KSR2: variants seen among roughly 807,000 people sequenced by gnomAD.
KSR2 encodes the protein kinase suppressor of ras 2.
A neutral mutation model predicts 107.8 loss-of-function variants in KSR2; 25 were observed. The observed-to-expected ratio is 0.23, with a 90% CI of 0.17 to 0.32. The LOEUF (loss-of-function observed/expected upper bound fraction) is 0.32, where lower values mean the gene tolerates loss of function less well. Among genes scored for constraint, KSR2 ranks in the 10% least tolerant of loss-of-function variants. The pLI is 1.00. For missense variants in KSR2, 887 were observed against 1,268.9 expected, an observed-to-expected ratio of 0.70 and a Z score of 4.57; for synonymous variants, 480 against 507.0, an observed-to-expected ratio of 0.95 and a Z score of 0.71.
intron 13 of KSR2, among the ~76,000 whole-genome samples, chr12:117,526,231 A>G (rs1875152655): frequency 1.3e-5 from 2 of 152,118 alleles, no homozygotes; most frequent in Admixed American, 1.3e-4. Flanking sequence ...CGTAACTACC[A>G]CTAGAGTTAA....
intron 1 of KSR2, among the ~76,000 whole-genome samples, chr12:117,952,155 T>TCACACACA (rs112314585): frequency 2.0e-3 from 293 of 147,416 alleles, no homozygotes; most frequent in African/African-American, 5.5e-3. Context: ...AATGTTCTCA[T>TCACACACA]CACACACACA....
At chr12:117,578,906 G>A (rs1879462470) in intron 7 of KSR2, among the ~76,000 whole-genome samples, 1 of 152,164 alleles carries the variant, frequency 6.6e-6, no homozygotes, top group African/African-American at 2.4e-5. Flanking sequence ...GCATTTCCAG[G>A]ATCTTCCATT....
At chr12:117,955,016 CAA>C (rs377637674) in intron 1 of KSR2, among the ~76,000 whole-genome samples, 125 of 122,292 alleles carry the variant, frequency 1.0e-3, no homozygotes, top group Non-Finnish European at 1.0e-3. Context: ...GACCCTGTCT[CAA>C]AAAAAAAAAA....
intron 4 of KSR2, among the ~76,000 whole-genome samples, chr12:117,724,312 CA>C (rs57095721): frequency 0.54 from 59,842 of 111,716 alleles, 13,468 homozygotes; most frequent in African/African-American, 0.61. Flanking sequence ...CACCCTGTCT[CA>C]AAAAAAAAAA....
At chr12:117,934,228 T>G (rs994691777) in intron 1 of KSR2, among the ~76,000 whole-genome samples, 1 of 152,166 alleles carries the variant, frequency 6.6e-6, no homozygotes, top group Non-Finnish European at 1.5e-5. Flanking sequence ...ACATCCCTGC[T>G]TGGTCCACAG....
At chr12:117,581,775 C>A (rs1206590298) in intron 6 of KSR2, among the ~76,000 whole-genome samples, 1 of 152,172 alleles carries the variant, frequency 6.6e-6, no homozygotes, top group Admixed American at 6.5e-5. Context: ...GGACTGAACG[C>A]CGCACCAGAG....
At chr12:117,909,950 T>TG (rs2137424396) in intron 1 of KSR2, among the ~76,000 whole-genome samples, 1 of 150,972 alleles carries the variant, frequency 6.6e-6, no homozygotes, top group South Asian at 2.1e-4. Flanking sequence ...AAGGGCATGG[T>TG]GGCATGGTGG....
chr12:117,911,748 T>A (rs531603065), intron 1 of KSR2, among the ~76,000 whole-genome samples: 1 of 152,338 alleles, frequency 6.6e-6, no homozygotes, highest in South Asian at 2.1e-4. Flanking sequence ...ACTTGCTGAA[T>A]AAATGACAGT....
intron 4 of KSR2, among the ~76,000 whole-genome samples, chr12:117,755,234 G>A (rs933801123): frequency 6.6e-6 from 1 of 152,168 alleles, no homozygotes; most frequent in South Asian, 2.1e-4. Flanking sequence ...AGGACACACA[G>A]GCATATCTTG....
intron 16 of KSR2, among the ~76,000 whole-genome samples, chr12:117,481,781 C>A (rs1255643779): frequency 6.6e-6 from 1 of 152,212 alleles, no homozygotes; most frequent in Admixed American, 6.5e-5. Context: ...TCTCTCTCCA[C>A]TCCTATAATC....
chr12:117,856,530 G>A (rs965234823), intron 2 of KSR2, among the ~76,000 whole-genome samples: 2 of 152,116 alleles, frequency 1.3e-5, no homozygotes, highest in African/African-American at 2.4e-5. Context: ...AGGCTGGAGT[G>A]CAATGGCGCG....
At chr12:117,633,952 C>A (rs1882930541) in intron 5 of KSR2, among the ~76,000 whole-genome samples, 1 of 152,174 alleles carries the variant, frequency 6.6e-6, no homozygotes, top group Admixed American at 6.5e-5. Flanking sequence ...ATGGACCAGG[C>A]AGCCCTGCCT....
chr12:117,732,743 C>T (rs538440348), intron 4 of KSR2, among the ~76,000 whole-genome samples: 1 of 152,224 alleles, frequency 6.6e-6, no homozygotes, highest in East Asian at 1.9e-4. Context: ...TTAATAAATG[C>T]CTCTAGCCTA....
At chr12:117,673,194 G>A (rs1703670878) in intron 4 of KSR2, among the ~76,000 whole-genome samples, 1 of 152,104 alleles carries the variant, frequency 6.6e-6, no homozygotes, top group African/African-American at 2.4e-5. Context: ...TCTAAATAAG[G>A]GTTAGTTGGA....
intron 5 of KSR2, among the ~76,000 whole-genome samples, chr12:117,641,259 G>A (rs1235679910): frequency 6.6e-6 from 1 of 152,146 alleles, no homozygotes; most frequent in Non-Finnish European, 1.5e-5. Flanking sequence ...ACCACGCCCA[G>A]CTAATTTTTG....
intron 4 of KSR2, among the ~76,000 whole-genome samples, chr12:117,685,307 C>T (rs1220919639): frequency 6.6e-6 from 1 of 152,212 alleles, no homozygotes; most frequent in Non-Finnish European, 1.5e-5. Context: ...AATATTTACA[C>T]AGGCCATCAT....
Position 117,806,665 on chromosome 12 carries a change from C to T in KSR2, c.473-45141G>A, listed in dbSNP as rs373328953. 1.2e-4 allele frequency among the ~76,000 whole-genome samples: 19 copies of T among 152,258 alleles called. No individual in the cohort carries two copies. The East Asian group carries it at 2.5e-3, about 20-fold the overall frequency. On this transcript the variant is annotated intron_variant, in intron 3 of 19. Coordinates refer to ENST00000339824, the MANE Select transcript of KSR2 (RefSeq NM_173598.6). ...CAGACCCACTAATAACAGTCACTCC[C>T]CATGTCCCCTCCTCTCAGCCCCTGG...
At chr12:117,645,257 CT>C (rs2136417623) in intron 5 of KSR2, among the ~76,000 whole-genome samples, 1 of 152,294 alleles carries the variant, frequency 6.6e-6, no homozygotes, top group South Asian at 2.1e-4. Context: ...CACTGAGCTC[CT>C]GGATCCAGCC....
rs1371157898 is a variant in KSR2, at chr12:117,606,162, A to T, written c.1172-23803T>A. 2.0e-5 allele frequency among the ~76,000 whole-genome samples: 3 copies of T among 152,128 alleles called. No individual in the cohort carries two copies. The East Asian group carries it at 5.8e-4, about 29-fold the overall frequency. On this transcript the variant is annotated intron_variant, in intron 5 of 19. Transcript: ENST00000339824. ...GGATAGGTGAAAGTTCAACAGTTAA[A>T]AAGTTTAAATACAGCATTAAGGCCC... is the stretch of plus-strand genomic sequence containing the variant.
Sources: gnomAD v4.1 joint callset for allele counts (sites outside exome capture counted in the v4.1 genomes callset) on GRCh38, gnomAD v4.1.1 for gene constraint, MANE v1.5 for transcripts, NCBI Gene and HGNC (gene_info 2026-07-23, HGNC 2026-07-21) for gene names.